Variants in SATB2 observed in about 807,000 individuals in gnomAD.
The protein encoded by SATB2 is SATB homeobox 2.
SATB2 carries 1 observed loss-of-function variant against 73.4 expected under a neutral mutation model. The observed-to-expected ratio is 0.01, with a 90% CI of 0.00 to 0.06. The LOEUF is 0.06. SATB2 is among the 10% of genes least tolerant of loss of function. The pLI is 1.00. For synonymous variants in SATB2, 397 were observed against 367.0 expected (o/e 1.08, Z -0.93); for missense variants, 459 against 945.8 (o/e 0.49, Z 6.75).
intron 7 of SATB2, among the ~76,000 whole-genome samples, chr2:199,345,884 C>T (rs1175529890): frequency 1.3e-5 from 2 of 152,178 alleles, no homozygotes; most frequent in Admixed American, 1.3e-4. Context: ...TGTCTTGGCA[C>T]TCAAGGCCTT....
At chr2:199,452,546 A>G (rs1410975417) in intron 2 of SATB2, among the ~76,000 whole-genome samples, 1 of 152,158 alleles carries the variant, frequency 6.6e-6, no homozygotes, top group African/African-American at 2.4e-5. Flanking sequence ...TAAATCTTCA[A>G]ATAGATCTGT....
intron 2 of SATB2, among the ~76,000 whole-genome samples, chr2:199,453,170 A>C (rs1692179253): frequency 6.6e-6 from 1 of 152,142 alleles, no homozygotes; most frequent in Non-Finnish European, 1.5e-5. Context: ...AAGTATATTT[A>C]AACTATATTT....
At chr2:199,276,713 G>A (rs1449822325) in intron 10 of SATB2, among the ~76,000 whole-genome samples, 1 of 151,968 alleles carries the variant, frequency 6.6e-6, no homozygotes, top group Non-Finnish European at 1.5e-5. Context: ...AACAATTTAT[G>A]AAAAAGCTGG....
intron 10 of SATB2, among the ~76,000 whole-genome samples, chr2:199,303,600 G>A (rs1559151249): frequency 6.6e-6 from 1 of 152,112 alleles, no homozygotes; most frequent in Non-Finnish European, 1.5e-5. Flanking sequence ...ATATTTGGCA[G>A]CATCTCTGAC....
intron 10 of SATB2, among the ~76,000 whole-genome samples, chr2:199,302,881 A>G (rs1687327108): frequency 1.3e-5 from 2 of 152,178 alleles, no homozygotes; most frequent in Non-Finnish European, 2.9e-5. Context: ...CACATTCTGA[A>G]GCCACCTCAA....
intron 3 of SATB2, among the ~76,000 whole-genome samples, chr2:199,411,054 T>C (rs917332146): frequency 1.3e-5 from 2 of 152,158 alleles, no homozygotes; most frequent in Non-Finnish European, 2.9e-5. Context: ...GGGTAGTTTC[T>C]TTCTTATGAT....
intron 3 of SATB2, among the ~76,000 whole-genome samples, chr2:199,412,457 A>G (rs1370696941): frequency 6.6e-6 from 1 of 152,198 alleles, no homozygotes. Flanking sequence ...GCCCTTGGGC[A>G]GGGGAAGGAA....
chr2:199,427,210 AG>A (rs1691362661), intron 3 of SATB2, among the ~76,000 whole-genome samples: 2 of 152,184 alleles, frequency 1.3e-5, no homozygotes, highest in African/African-American at 4.8e-5. Context: ...TAGTATTTGA[AG>A]GAATTTATAG....
At chr2:199,423,519 T>C (rs891400273) in intron 3 of SATB2, among the ~76,000 whole-genome samples, 1 of 151,984 alleles carries the variant, frequency 6.6e-6, no homozygotes, top group African/African-American at 2.4e-5. Flanking sequence ...ATATCAGAAG[T>C]GCATGGAAAA....
intron 10 of SATB2, among the ~76,000 whole-genome samples, chr2:199,278,987 T>C (rs1036946288): frequency 9.2e-5 from 14 of 152,216 alleles, no homozygotes; most frequent in Non-Finnish European, 1.6e-4. Flanking sequence ...TAATAAGAAG[T>C]CCTATTTCCA....
chr2:199,391,784 T>C (rs953698495), intron 3 of SATB2, among the ~76,000 whole-genome samples: 7 of 152,120 alleles, frequency 4.6e-5, no homozygotes, highest in Admixed American at 1.3e-4. Context: ...TGATAAATAA[T>C]GACAATGGCC....
intron 3 of SATB2, among the ~76,000 whole-genome samples, chr2:199,429,163 C>A (rs1691426391): frequency 6.6e-6 from 1 of 152,040 alleles, no homozygotes; most frequent in Non-Finnish European, 1.5e-5. Context: ...TAAATTTTCA[C>A]ATTTGTGGAT....
intron 3 of SATB2, among the ~76,000 whole-genome samples, chr2:199,385,167 C>T (rs918361462): frequency 2.0e-5 from 3 of 152,082 alleles, no homozygotes; most frequent in African/African-American, 7.2e-5. Flanking sequence ...CAGGGTCTGG[C>T]TCTGTCACCC....
In SATB2 at chr2:199,269,541, C is replaced by T. The variant is rs1421841275; in HGVS notation, c.*2670G>A. On this transcript the variant is annotated 3_prime_UTR_variant, in exon 11 of 11. Coordinates refer to ENST00000417098, the MANE Select transcript of SATB2 (RefSeq NM_001172509.2). ...CGTTTATTTTAACAACCAAAAAATT[C>T]TAACAGCCTAACAATGCACATAAGT... The T allele has an allele frequency of 6.6e-6, 1 of 152,612 alleles. No individual in the cohort carries two copies. The highest frequency in any genetic ancestry group is 1.5e-5 in the Non-Finnish European group (1 of 67,982). 9.5% of individuals were successfully genotyped at this position (152,612 alleles called of 1,614,324 possible). A position where few individuals can be genotyped will look rare whatever the true frequency, so the allele number is the denominator to read the frequency against.
upstream of SATB2, chr2:199,465,237 T>C (rs1296096588): frequency 6.6e-6 from 1 of 152,238 alleles, no homozygotes; most frequent in African/African-American, 2.4e-5. Flanking sequence ...ATCATCATTG[T>C]AGCTTTGAGT....
chr2:199,372,644 T>G (rs1340039858), intron 5 of SATB2, among the ~76,000 whole-genome samples: 1 of 152,100 alleles, frequency 6.6e-6, no homozygotes, highest in Admixed American at 6.5e-5. Context: ...ATGGATCTCT[T>G]AAGAAGGGAG....
chr2:199,306,715 A>G (rs761262354), intron 10 of SATB2, among the ~76,000 whole-genome samples: 55 of 152,206 alleles, frequency 3.6e-4, no homozygotes, highest in Non-Finnish European at 6.5e-4. Flanking sequence ...CTATAAGACA[A>G]AATATTATGT....
intron 2 of SATB2, among the ~76,000 whole-genome samples, chr2:199,440,054 C>T (rs1222384693): frequency 6.6e-6 from 1 of 151,944 alleles, no homozygotes. Flanking sequence ...TGCAGTGAGC[C>T]GAGACCATGC....
chr2:199,425,537 G>A (rs369241610), intron 3 of SATB2, among the ~76,000 whole-genome samples: 9 of 152,034 alleles, frequency 5.9e-5, no homozygotes, highest in East Asian at 1.9e-4. Context: ...AAGTGAGATC[G>A]CACATTCATT....
Sources: gnomAD v4.1 joint callset for allele counts (sites outside exome capture counted in the v4.1 genomes callset) on GRCh38, gnomAD v4.1.1 for gene constraint, MANE v1.5 for transcripts, NCBI Gene and HGNC (gene_info 2026-07-23, HGNC 2026-07-21) for gene names.